EDEM1: variants seen among roughly 807,000 people sequenced by gnomAD.
EDEM1 encodes ER degradation-enhancing alpha-mannosidase-like protein 1.
Under a neutral mutation model 74.4 loss-of-function variants are expected in EDEM1, and 67 were observed. The observed-to-expected ratio is 0.90, with a 90% CI of 0.74 to 1.10. The LOEUF is 1.10. EDEM1 is among the 50% of genes least tolerant of loss of function. The pLI, the probability that EDEM1 is intolerant of heterozygous loss-of-function variation, is 0.00. For synonymous variants in EDEM1, 382 were observed against 335.9 expected (o/e 1.14, Z -1.50); for missense variants, 926 against 851.6 (o/e 1.09, Z -1.09).
intron 7 of EDEM1, 68 bp from the exon 8 acceptor site, chr3:5,208,023 GGC>G: frequency 6.7e-7 from 1 of 1,494,270 alleles, no homozygotes; most frequent in Non-Finnish European, 8.9e-7. Flanking sequence ...AGCCCAGGCA[GGC>G]CCTTTGTGCC....
intron 1 of EDEM1, among the ~76,000 whole-genome samples, chr3:5,189,998 TTG>T (rs1491431523): frequency 2.6e-5 from 1 of 38,002 alleles, no homozygotes; most frequent in African/African-American, 4.3e-5. Context: ...AGTTTTTTTT[TTG>T]GGGGGGGGGA....
intron 5 of EDEM1, 68 bp from the exon 6 acceptor site, chr3:5,204,999 G>T: frequency 1.3e-6 from 2 of 1,549,128 alleles, no homozygotes; most frequent in South Asian, 1.2e-5. Context: ...GGAGTAGGAG[G>T]CCTGTCTCCA....
At chr3:5,204,419 G>T (rs1048031421) in intron 5 of EDEM1, among the ~76,000 whole-genome samples, 1 of 151,322 alleles carries the variant, frequency 6.6e-6, no homozygotes, top group Non-Finnish European at 1.5e-5. Flanking sequence ...CATCACCCAG[G>T]CTGGACGGCA....
chr3:5,203,279 A>G (rs2055055758), intron 5 of EDEM1, 130 bp downstream of exon 5: 1 of 964,562 alleles, frequency 1.0e-6, no homozygotes, highest in Non-Finnish European at 1.4e-6. Flanking sequence ...TGTCAGCTCT[A>G]TCTAATTTCT....
At chr3:5,188,680 A>G (rs1423715688) in intron 1 of EDEM1, among the ~76,000 whole-genome samples, 2 of 152,164 alleles carry the variant, frequency 1.3e-5, no homozygotes, top group Non-Finnish European at 2.9e-5. Flanking sequence ...GATGAGCATA[A>G]ACTCTAAATG....
intron 3 of EDEM1, 75 bp from the exon 4 acceptor site, chr3:5,201,678 C>T: frequency 1.3e-6 from 2 of 1,568,402 alleles, no homozygotes; most frequent in Non-Finnish European, 1.7e-6. Context: ...GAACATACTT[C>T]TATCTTTCTG....
At chr3:5,195,485 T>G (rs2054954195) in intron 2 of EDEM1, among the ~76,000 whole-genome samples, 1 of 152,088 alleles carries the variant, frequency 6.6e-6, no homozygotes. Flanking sequence ...GTGATTCCAT[T>G]AAAAAAAGGA....
chr3:5,213,409 C>T lies in EDEM1; in HGVS notation c.1771C>T (p.Arg591Trp), dbSNP rs866197564. The stretch of plus-strand genomic sequence containing the variant: ...CATTGTATCTGTGGATGAGCATCTT[C>T]GGGAATTGCCATGGAAGGAATTCTT... ...GHIVSVDEHL[R>W]ELPWKEFFSE... The change falls in exon 11 of 12, where the codon CGG becomes TGG. Residue 591 changes from arginine to tryptophan, a missense_variant. Coordinates refer to ENST00000256497, the MANE Select transcript of EDEM1 (RefSeq NM_014674.3). 3.1e-6 allele frequency: 5 copies of T among 1,614,118 alleles called. No homozygotes were observed. The highest frequency in any genetic ancestry group is 2.2e-5 in the East Asian group (1 of 44,884).
In EDEM1 at chr3:5,211,116, G is replaced by T. The variant is rs2055161755; in HGVS notation, c.1584-4G>T. On this transcript the variant is annotated splice_polypyrimidine_tract_variant and splice_region_variant and intron_variant, in intron 9 of 11. Coordinates refer to ENST00000256497, the MANE Select transcript of EDEM1 (RefSeq NM_014674.3). The stretch of plus-strand genomic sequence containing the variant: ...GCAGGACTGACCAGATGATTGTTTT[G>T]TAGGTGTGGGTACGCCACGCTGCAT... The T allele has an allele frequency of 1.9e-6, 3 of 1,613,902 alleles. No homozygotes were observed. Among genetic ancestry groups the T allele is most frequent in the Non-Finnish European group, 1.7e-6 (2 of 1,179,988 alleles).
chr3:5,195,946 G>A (rs559000381), intron 2 of EDEM1, among the ~76,000 whole-genome samples: 32 of 152,314 alleles, frequency 2.1e-4, no homozygotes, highest in African/African-American at 7.5e-4. Context: ...TTCACCTTTT[G>A]CCATTAAAGC....
rs1367631412 is a variant in EDEM1, at chr3:5,207,237, G to GATTGACTCT, written c.1303_1311dup (p.Ile435_Ser437dup). On this transcript the variant is annotated inframe_insertion, in exon 7 of 12. Coordinates refer to ENST00000256497, the MANE Select transcript of EDEM1 (RefSeq NM_014674.3). ...TCAGTGGGCAGCTGATGAACACCTGGATTGACTCTCTGCAGGCCTTTTTCC... is the reference window on the plus strand; with the variant it reads ...TCAGTGGGCAGCTGATGAACACCTGGATTGACTCTATTGACTCTCTGCAGGCCTTTTTCC... The GATTGACTCT allele has an allele frequency of 6.2e-7, 1 of 1,614,028 alleles. No homozygotes were observed. The highest frequency in any genetic ancestry group is 8.5e-7 in the Non-Finnish European group (1 of 1,180,034).
chr3:5,215,164 A>G (rs753365500), intron 11 of EDEM1, among the ~76,000 whole-genome samples: 1 of 152,162 alleles, frequency 6.6e-6, no homozygotes, highest in African/African-American at 2.4e-5. Context: ...TCAACTTACT[A>G]CAAAGCGTGG....
rs1452419059 is a variant in EDEM1 at position 5,216,077 on chromosome 3, C to T, written c.*159C>T. 5.1e-6 allele frequency: 3 copies of T among 593,620 alleles called. No homozygotes were observed. Among genetic ancestry groups the T allele is most frequent in the Admixed American group, 6.9e-5 (2 of 29,094 alleles). 36.8% of individuals were successfully genotyped at this position (593,620 alleles called of 1,614,324 possible). A position where few individuals can be genotyped will look rare whatever the true frequency, so the allele number is the denominator to read the frequency against. The stretch of plus-strand genomic sequence containing the variant: ...TCACCACGTCTGGTTAATCCTTGCA[C>T]ACTTCAGTGTTTCTCTCCTGTTCAA... On this transcript the variant is annotated 3_prime_UTR_variant, in exon 12 of 12. Coordinates refer to ENST00000256497, the MANE Select transcript of EDEM1 (RefSeq NM_014674.3).
intron 4 of EDEM1, among the ~76,000 whole-genome samples, chr3:5,202,385 C>T (rs2055045524): frequency 6.6e-6 from 1 of 152,212 alleles, no homozygotes; most frequent in African/African-American, 2.4e-5. Context: ...AAGTTAGCTG[C>T]TGATTTAAAT....
chr3:5,195,571 T>A (rs562837779), intron 2 of EDEM1, among the ~76,000 whole-genome samples: 6 of 152,206 alleles, frequency 3.9e-5, no homozygotes, highest in Non-Finnish European at 8.8e-5. Flanking sequence ...AAAGAACCCA[T>A]AATGAAGCTC....
At chr3:5,193,863 G>T (rs999677470) in intron 1 of EDEM1, among the ~76,000 whole-genome samples, 1 of 152,334 alleles carries the variant, frequency 6.6e-6, no homozygotes, top group East Asian at 1.9e-4. Flanking sequence ...CTCCCAAAGT[G>T]CTGGGATTAC....
At chr3:5,188,811 C>A (rs1418934264) in intron 1 of EDEM1, among the ~76,000 whole-genome samples, 3 of 152,202 alleles carry the variant, frequency 2.0e-5, no homozygotes, top group Non-Finnish European at 4.4e-5. Context: ...TAGTTGACTT[C>A]TCCAAAGCCG....
Position 5,201,907 on chromosome 3 carries a change from G to C in EDEM1, c.841G>C (p.Gly281Arg). The C allele has an allele frequency of 2.5e-6, 4 of 1,613,692 alleles. No individual in the cohort carries two copies. Among genetic ancestry groups the C allele is most frequent in the Non-Finnish European group, 3.4e-6 (4 of 1,179,896 alleles). ...LLPAFENTKT[G>R]IPYPRVNLKT... ...CCCTGCTTTTGAAAACACCAAGACA[G>C]GGATTCCATATCCTCGGGTGGGTAG... The change falls in exon 4 of 12, where the codon GGG (glycine) becomes CGG (arginine). Residue 281 changes from glycine to arginine, a missense_variant. Physicochemically the swap from Gly to Arg is moderately radical, Grantham distance 125. Coordinates refer to ENST00000256497, the MANE Select transcript of EDEM1 (RefSeq NM_014674.3).
intron 3 of EDEM1, among the ~76,000 whole-genome samples, chr3:5,200,960 T>C (rs1442626990): frequency 1.3e-5 from 2 of 151,164 alleles, no homozygotes; most frequent in African/African-American, 4.9e-5. Flanking sequence ...GCAGTGGTGC[T>C]ATCACGGCTC....
Sources: allele counts gnomAD v4.1 joint callset (sites outside exome capture counted in the v4.1 genomes callset), GRCh38; gene constraint gnomAD v4.1.1; transcripts MANE v1.5; gene names NCBI Gene and HGNC (gene_info 2026-07-23, HGNC 2026-07-21).